The following MARCHF1 variants were observed in gnomAD, a reference collection of about 807,000 sequenced individuals.
The protein encoded by MARCHF1 is E3 ubiquitin-protein ligase MARCHF1.
MARCHF1 carries 40 observed loss-of-function variants against 54.2 expected under a neutral mutation model. The observed-to-expected ratio is 0.74, with a 90% CI of 0.57 to 0.96. The LOEUF is 0.96. Ranked by LOEUF, MARCHF1 falls within the 40% of genes least tolerant of loss-of-function variation. The pLI is 0.00. For missense variants in MARCHF1, 586 were observed against 656.5 expected (o/e 0.89, Z 1.17); for synonymous variants, 236 against 236.3 (o/e 1.00, Z 0.01).
At chr4:163,935,625 T>A (rs1314166836) in intron 3 of MARCHF1, among the ~76,000 whole-genome samples, 3 of 152,084 alleles carry the variant, frequency 2.0e-5, no homozygotes, top group Non-Finnish European at 4.4e-5. Flanking sequence ...CTTAAGAGAA[T>A]GTTGTAGATA....
At chr4:164,127,052 T>TCAAAACAAAACAAAA (rs61100715) in intron 1 of MARCHF1, among the ~76,000 whole-genome samples, 2,313 of 150,576 alleles carry the variant, frequency 0.015, 38 homozygotes, top group East Asian at 0.064. Flanking sequence ...AAACTCCGTC[T>TCAAAACAAAACAAAA]CAAAACAAAA....
intron 3 of MARCHF1, among the ~76,000 whole-genome samples, chr4:163,861,499 C>G (rs1016425884): frequency 6.6e-6 from 1 of 151,912 alleles, no homozygotes; most frequent in Non-Finnish European, 1.5e-5. Flanking sequence ...TTAACAGCAT[C>G]AAATATTATC....
At chr4:163,768,036 T>A (rs186764791) in intron 4 of MARCHF1, among the ~76,000 whole-genome samples, 62 of 152,270 alleles carry the variant, frequency 4.1e-4, no homozygotes, top group Non-Finnish European at 7.4e-5. Context: ...TGCATTTTTT[T>A]TATATCTTTT....
intron 4 of MARCHF1, among the ~76,000 whole-genome samples, chr4:163,832,069 G>C (rs1749040507): frequency 6.6e-6 from 1 of 152,178 alleles, no homozygotes; most frequent in African/African-American, 2.4e-5. Flanking sequence ...AAATTAGGAA[G>C]CTATTACGAT....
chr4:164,071,851 T>G (rs1754873797), intron 2 of MARCHF1, among the ~76,000 whole-genome samples: 1 of 152,186 alleles, frequency 6.6e-6, no homozygotes, highest in African/African-American at 2.4e-5. Flanking sequence ...ATGGCACATA[T>G]ATGAAATAAC....
At chr4:163,718,271 A>G (rs1454851512) in intron 4 of MARCHF1, among the ~76,000 whole-genome samples, 2 of 152,218 alleles carry the variant, frequency 1.3e-5, no homozygotes, top group South Asian at 4.1e-4. Flanking sequence ...AAACACCAAA[A>G]GCAATGGCAA....
chr4:163,793,785 A>G (rs916658869), intron 4 of MARCHF1, among the ~76,000 whole-genome samples: 1 of 152,174 alleles, frequency 6.6e-6, no homozygotes, highest in Non-Finnish European at 1.5e-5. Context: ...TTACCGGTGC[A>G]TGCAGCCCCC....
chr4:163,639,595 G>A (rs1742480269), intron 5 of MARCHF1, among the ~76,000 whole-genome samples: 2 of 152,240 alleles, frequency 1.3e-5, no homozygotes, highest in African/African-American at 2.4e-5. Context: ...GTGTTGGAAC[G>A]TTTTTGTTCT....
rs867585889 is a variant in MARCHF1 at position 164,196,889 on chromosome 4, T to A, written c.-322-85227A>T. On this transcript the variant is annotated intron_variant, in intron 1 of 9. Transcript: ENST00000514618. ...TGTTACAATCAGAAAAAAGTAAGTT[T>A]CAGGGGGCAGGATTGGAGGGGGGAG... 28 of 1,279,294 alleles carry A rather than the reference T, an allele frequency of 2.2e-5. No individual in the cohort carries two copies. The African/African-American group carries it at 3.8e-4, about 17-fold the overall frequency. The allele number at this position is 1,279,294 out of a possible 1,614,324, so 79.2% of individuals were successfully genotyped here. A position where few individuals can be genotyped will look rare whatever the true frequency, so the allele number is the denominator to read the frequency against.
Position 163,528,975 on chromosome 4 carries a change from T to C in MARCHF1, c.1411A>G (p.Met471Val). 6.2e-7 allele frequency: 1 copy of C among 1,612,912 alleles called. No homozygotes were observed. The highest frequency in any genetic ancestry group is 8.5e-7 in the Non-Finnish European group (1 of 1,179,308). ...ACATAGACTTTACACTGTACGTACATGAAGACAAGACCTCCTGTGAAGCCA... is the reference window on the plus strand; with the variant it reads ...ACATAGACTTTACACTGTACGTACACGAAGACAAGACCTCCTGTGAAGCCA... Reference protein sequence around the residue: ...AIGFTGGLVFMYVQCKVYVQL... With the variant: ...AIGFTGGLVFVYVQCKVYVQL... Residue 471 changes from methionine to valine, a missense_variant, in exon 10 of 10, where the codon ATG becomes GTG. Transcript: ENST00000514618.
At chr4:163,894,362 A>G (rs896924423) in intron 3 of MARCHF1, among the ~76,000 whole-genome samples, 1 of 152,008 alleles carries the variant, frequency 6.6e-6, no homozygotes, top group African/African-American at 2.4e-5. Context: ...ATTGAGCCAT[A>G]AATCATAGCT....
chr4:164,185,810 A>ACACACACACACACAC (rs1553990115), intron 1 of MARCHF1, among the ~76,000 whole-genome samples: 7 of 64,846 alleles, frequency 1.1e-4, no homozygotes, highest in African/African-American at 5.0e-4. Context: ...ACACACACAC[A>ACACACACACACACAC]AAAAAAAAAA....
At chr4:163,911,883 C>T (rs1236975184) in intron 3 of MARCHF1, among the ~76,000 whole-genome samples, 1 of 151,888 alleles carries the variant, frequency 6.6e-6, no homozygotes, top group Admixed American at 6.6e-5. Flanking sequence ...GACTTGTAGC[C>T]CCCAGAACTA....
At chr4:163,958,476 CT>C (rs997164789) in intron 3 of MARCHF1, among the ~76,000 whole-genome samples, 10 of 151,794 alleles carry the variant, frequency 6.6e-5, no homozygotes, top group Admixed American at 5.3e-4. Flanking sequence ...TAAATGAATA[CT>C]TTTTTTGTTA....
At chr4:164,109,328 T>C (rs938188877) in intron 2 of MARCHF1, among the ~76,000 whole-genome samples, 1 of 152,028 alleles carries the variant, frequency 6.6e-6, no homozygotes, top group Non-Finnish European at 1.5e-5. Flanking sequence ...ATTTTCAAAG[T>C]GCTATCTTCA....
intron 1 of MARCHF1, among the ~76,000 whole-genome samples, chr4:164,157,638 G>C (rs1730113047): frequency 6.6e-6 from 1 of 152,104 alleles, no homozygotes; most frequent in Non-Finnish European, 1.5e-5. Context: ...TAGCATCTGG[G>C]TAATTCTTGA....
At chr4:164,316,772 T>TG (rs974231978) in intron 1 of MARCHF1, among the ~76,000 whole-genome samples, 1 of 152,162 alleles carries the variant, frequency 6.6e-6, no homozygotes, top group South Asian at 2.1e-4. Flanking sequence ...GATTGGAACA[T>TG]GGGGGGTGGA....
At chr4:163,765,673 C>T (rs1383460844) in intron 4 of MARCHF1, among the ~76,000 whole-genome samples, 1 of 151,684 alleles carries the variant, frequency 6.6e-6, no homozygotes, top group Non-Finnish European at 1.5e-5. Context: ...ACCTGTTAAA[C>T]ACCACTGCCT....
chr4:164,117,632 G>T (rs1755965153), intron 1 of MARCHF1, among the ~76,000 whole-genome samples: 1 of 151,852 alleles, frequency 6.6e-6, no homozygotes, highest in African/African-American at 2.4e-5. Context: ...GGGCACGGTG[G>T]CTCACATCTG....
Sources: allele counts gnomAD v4.1 joint callset (sites outside exome capture counted in the v4.1 genomes callset), GRCh38; gene constraint gnomAD v4.1.1; transcripts MANE v1.5; gene names NCBI Gene and HGNC (gene_info 2026-07-23, HGNC 2026-07-21).